PHIP: variants seen among roughly 807,000 people sequenced by gnomAD.
PHIP encodes PHIP subunit of CUL4-Ring ligase complex, also known as PH-interacting protein.
A neutral mutation model predicts 236.8 loss-of-function variants in PHIP; 54 were observed. The observed-to-expected ratio is 0.23, with a 90% CI of 0.18 to 0.29. The LOEUF (loss-of-function observed/expected upper bound fraction) is 0.29, where lower values mean the gene tolerates loss of function less well. Ranked by LOEUF, PHIP falls within the 10% of genes least tolerant of loss-of-function variation. The pLI is 1.00. For missense variants in PHIP, 1,370 were observed against 2,190.8 expected, an observed-to-expected ratio of 0.63 and a Z score of 7.48; for synonymous variants, 756 against 718.9, an observed-to-expected ratio of 1.05 and a Z score of -0.83.
chr6:78,941,414 A>G, intron 39 of PHIP, 84 bp from the exon 40 acceptor site: 1 of 872,098 alleles, frequency 1.1e-6, no homozygotes, highest in Non-Finnish European at 1.8e-6. Context: ...CCCCATTGGT[A>G]TACTTATATG....
rs565928280 is a variant in PHIP, at chr6:78,963,206, A to G, written c.3426T>C (p.Gly1142=). The G allele has an allele frequency of 1.2e-4, 197 of 1,609,400 alleles. 3 individuals are homozygous for G. The South Asian group carries it at 2.1e-3, about 17-fold the overall frequency. ...GTTTATAGATTAGTGATCTGCACTC[A>G]CCATCAGTTAAAGGAACACTGGTAC... The part of the protein sequence containing the change: ...ELGTSVPLTD[G]ECRSLIYKPL... The change falls in exon 30 of 40, where the codon GGT becomes GGC. Residue 1142 remains glycine, a synonymous_variant. Coordinates refer to ENST00000275034, the MANE Select transcript of PHIP (RefSeq NM_017934.7).
Position 78,988,312 on chromosome 6 carries a change from G to T in PHIP, c.2357C>A (p.Ser786Tyr), listed in dbSNP as rs1768992491. ...AHEHFLDLGE[S>Y]KKQQTNQHNY... ...GTGTTGATTTGTCTGTTGCTTTTTG[G>T]ATTCTCCAAGATCCAGGAAATGCTC... is the stretch of plus-strand genomic sequence containing the variant. The change falls in exon 21 of 40, where the codon TCC becomes TAC. Residue 786 changes from serine to tyrosine, a missense_variant. Physicochemically the swap from Ser to Tyr is moderately radical, Grantham distance 144 (BLOSUM62 -2). Around this residue, in one of 14 missense-constraint regions of PHIP, gnomAD observed 99 missense variants for 110.0 expected, o/e 0.90. Coordinates refer to ENST00000275034, the MANE Select transcript of PHIP (RefSeq NM_017934.7). 1 of 1,603,364 alleles carries T rather than the reference G, an allele frequency of 6.2e-7. No homozygotes were observed. The highest frequency in any genetic ancestry group is 8.5e-7 in the Non-Finnish European group (1 of 1,173,174).
chr6:78,971,177 A>C lies in PHIP; in HGVS notation c.2890-289T>G, dbSNP rs573725337. Among the ~76,000 whole-genome samples the C allele has an allele frequency of 2.0e-5, 3 of 152,368 alleles. No homozygotes were observed. In the East Asian group the frequency reaches 5.8e-4, roughly 29 times the overall value. The stretch of plus-strand genomic sequence containing the variant: ...CAAAATAAGTTAATCTATGTTGCAT[A>C]ATAACGTTGACTAATAAGTTTATTG... On this transcript the variant is annotated intron_variant, in intron 24 of 39. Transcript: ENST00000275034.
intron 23 of PHIP, among the ~76,000 whole-genome samples, chr6:78,982,408 CA>C (rs1162907259): frequency 6.6e-6 from 1 of 152,048 alleles, no homozygotes; most frequent in Non-Finnish European, 1.5e-5. Flanking sequence ...AGGAATGTTA[CA>C]AGACCATCTT....
intron 31 of PHIP, among the ~76,000 whole-genome samples, chr6:78,961,440 C>G (rs2127697683): frequency 6.6e-6 from 1 of 152,028 alleles, no homozygotes; most frequent in Non-Finnish European, 1.5e-5. Context: ...AAAACTGTAT[C>G]TAGGATCTAG....
intron 19 of PHIP, among the ~76,000 whole-genome samples, chr6:78,992,524 T>C (rs938053942): frequency 6.6e-6 from 1 of 152,070 alleles, no homozygotes; most frequent in Non-Finnish European, 1.5e-5. Flanking sequence ...AACCCTGCAA[T>C]GAGCAAATGC....
intron 4 of PHIP, 65 bp downstream of exon 4, chr6:79,077,383 C>T: frequency 1.4e-6 from 2 of 1,404,986 alleles, no homozygotes; most frequent in Non-Finnish European, 2.0e-6. Flanking sequence ...TAAAAAATTG[C>T]GGGAAATTCA....
chr6:79,012,095 T>C (rs1373348552), intron 15 of PHIP, among the ~76,000 whole-genome samples: 3 of 151,686 alleles, frequency 2.0e-5, no homozygotes, highest in African/African-American at 4.8e-5. Flanking sequence ...AAAAAGAATT[T>C]ACATTTCCAT....
At chr6:79,034,916 T>C (rs929066231) in intron 7 of PHIP, among the ~76,000 whole-genome samples, 9 of 152,212 alleles carry the variant, frequency 5.9e-5, no homozygotes, top group Non-Finnish European at 5.9e-5. Flanking sequence ...GTGTGCGGGA[T>C]GGCAACTAAG....
intron 7 of PHIP, among the ~76,000 whole-genome samples, chr6:79,027,666 A>G (rs1771474853): frequency 6.6e-6 from 1 of 152,214 alleles, no homozygotes; most frequent in Non-Finnish European, 1.5e-5. Context: ...ATAAACACTT[A>G]TATGTCCTAA....
chr6:78,952,300 T>A (rs1774204737), intron 35 of PHIP, among the ~76,000 whole-genome samples: 1 of 151,446 alleles, frequency 6.6e-6, no homozygotes. Context: ...GCGCCTATAA[T>A]CCCAGCTACT....
intron 15 of PHIP, among the ~76,000 whole-genome samples, chr6:79,011,411 A>C (rs1009533073): frequency 2.0e-5 from 3 of 151,866 alleles, no homozygotes; most frequent in African/African-American, 7.2e-5. Context: ...TAAAAAAGAA[A>C]AACAACAACA....
Position 79,061,222 on chromosome 6 carries a change from T to A in PHIP, c.190-404A>T, listed in dbSNP as rs181544137. ...ATATTTTTATTAGTCTTTCAGTAAA[T>A]AAACAATATTCACTATCTAAATAAA... is the stretch of plus-strand genomic sequence containing the variant. On this transcript the variant is annotated intron_variant, in intron 4 of 39. Transcript: ENST00000275034. 1.4e-3 allele frequency among the ~76,000 whole-genome samples: 220 copies of A among 152,274 alleles called. 3 individuals are homozygous for A. Among genetic ancestry groups the A allele is most frequent in the African/African-American group, 5.0e-3 (209 of 41,566 alleles).
intron 27 of PHIP, among the ~76,000 whole-genome samples, chr6:78,969,410 T>A (rs1767373134): frequency 6.6e-6 from 1 of 152,224 alleles, no homozygotes; most frequent in Admixed American, 6.5e-5. Context: ...TTACAGATTT[T>A]AGTTTCTTTG....
chr6:79,050,804 AGTGTATGAAT>A (rs1212928880), intron 6 of PHIP, among the ~76,000 whole-genome samples: 3 of 152,192 alleles, frequency 2.0e-5, no homozygotes, highest in Non-Finnish European at 4.4e-5. Context: ...AGCATATTAC[AGTGTATGAAT>A]GTATATTATG....
Position 79,078,056 on chromosome 6 carries a change from T to G in PHIP, c.13A>C (p.Arg5=). 1 of 1,609,044 alleles carries G rather than the reference T, an allele frequency of 6.2e-7. No homozygotes were observed. Among genetic ancestry groups the G allele is most frequent in the Non-Finnish European group, 8.5e-7 (1 of 1,179,318 alleles). Residue 5 remains arginine, a synonymous_variant, in exon 1 of 40, where the codon AGG becomes CGG. Coordinates refer to ENST00000275034, the MANE Select transcript of PHIP (RefSeq NM_017934.7). ...GATCGCAGCTCCGAGAGGCCTTTCC[T>G]CTCACAAGACATGTTTATGGGTCAC... MSCE[R]KGLSELRSEL... is the part of the protein sequence containing the mutation.
At chr6:79,035,557 T>C (rs1771891174) in intron 7 of PHIP, among the ~76,000 whole-genome samples, 1 of 152,220 alleles carries the variant, frequency 6.6e-6, no homozygotes, top group Non-Finnish European at 1.5e-5. Flanking sequence ...TTAGAGAATT[T>C]GGCATTCCTT....
intron 23 of PHIP, among the ~76,000 whole-genome samples, chr6:78,980,322 G>A (rs1180786103): frequency 1.3e-5 from 2 of 152,006 alleles, no homozygotes; most frequent in African/African-American, 4.8e-5. Flanking sequence ...GAAGACACAT[G>A]AGATGCTACC....
At chr6:78,965,848 T>C in intron 28 of PHIP, 84 bp from the exon 29 acceptor site, 1 of 1,183,598 alleles carries the variant, frequency 8.4e-7, no homozygotes, top group Non-Finnish European at 1.2e-6. Context: ...AAATAATTGC[T>C]TCTGTGTTTA....
Sources: allele counts gnomAD v4.1 joint callset (sites outside exome capture counted in the v4.1 genomes callset), GRCh38; gene constraint gnomAD v4.1.1; regional missense constraint gnomAD v4.1.1; transcripts MANE v1.5; gene names NCBI Gene and HGNC (gene_info 2026-07-23, HGNC 2026-07-21).